Variants in TPD52L1 observed in about 807,000 individuals in gnomAD.
TPD52L1 encodes tumor protein D53.
A neutral mutation model predicts 28.7 loss-of-function variants in TPD52L1; 18 were observed. The ratio of observed to expected loss-of-function variants is 0.63; its 90% confidence interval spans 0.43 to 0.93. The LOEUF (loss-of-function observed/expected upper bound fraction) is 0.93, where lower values mean the gene tolerates loss of function less well. TPD52L1 is among the 40% of genes least tolerant of loss of function. The probability of loss-of-function intolerance (pLI) is 0.00; values close to 1 mark genes in which losing one functional copy is unlikely to be tolerated. For missense variants in TPD52L1, 203 were observed against 254.8 expected (o/e 0.80, Z 1.39); for synonymous variants, 75 against 88.8 (o/e 0.84, Z 0.88).
chr6:125,172,165 CTTT>C (rs1562211893), intron 1 of TPD52L1, among the ~76,000 whole-genome samples: 9 of 69,566 alleles, frequency 1.3e-4, no homozygotes, highest in Non-Finnish European at 1.8e-4. Context: ...TCTTTTCTTT[CTTT>C]CTTTCTTTCT....
intron 1 of TPD52L1, among the ~76,000 whole-genome samples, chr6:125,188,098 T>A (rs1792769407): frequency 6.6e-6 from 1 of 152,206 alleles, no homozygotes; most frequent in Non-Finnish European, 1.5e-5. Context: ...TATCCCATAG[T>A]TAGCCAAGCA....
chr6:125,248,239 G>C, intron 3 of TPD52L1, 43 bp from the exon 4 acceptor site: 1 of 1,458,810 alleles, frequency 6.9e-7, no homozygotes, highest in African/African-American at 1.4e-5. Context: ...TTGTTTATGG[G>C]AGATCATGAT....
intron 1 of TPD52L1, among the ~76,000 whole-genome samples, chr6:125,219,014 C>A (rs549099102): frequency 4.6e-5 from 7 of 152,338 alleles, no homozygotes; most frequent in South Asian, 4.1e-4. Context: ...ACTCCTACCC[C>A]CTAAAACCGG....
chr6:125,183,607 T>C (rs1210351205), intron 1 of TPD52L1, among the ~76,000 whole-genome samples: 1 of 152,216 alleles, frequency 6.6e-6, no homozygotes, highest in Non-Finnish European at 1.5e-5. Context: ...GTTCATATTC[T>C]CTTCATGACT....
At chr6:125,176,335 G>T (rs577659797) in intron 1 of TPD52L1, among the ~76,000 whole-genome samples, 2 of 152,102 alleles carry the variant, frequency 1.3e-5, no homozygotes, top group Non-Finnish European at 2.9e-5. Flanking sequence ...CTTGTAAAAG[G>T]CTGATTTCCT....
At chr6:125,198,070 C>A (rs190565753) in intron 1 of TPD52L1, among the ~76,000 whole-genome samples, 8 of 152,284 alleles carry the variant, frequency 5.3e-5, no homozygotes, top group Admixed American at 1.3e-4. Context: ...GGGCTTCAAG[C>A]CAAGACCAGG....
At chr6:125,172,159 TTCTTTC>T (rs1791426244) in intron 1 of TPD52L1, among the ~76,000 whole-genome samples, 1 of 53,080 alleles carries the variant, frequency 1.9e-5, no homozygotes, top group Non-Finnish European at 4.0e-5. Context: ...TTTCTTTCTT[TTCTTTC>T]TTTCTTTCTT....
intron 1 of TPD52L1, among the ~76,000 whole-genome samples, chr6:125,193,632 G>T (rs1027907807): frequency 2.0e-5 from 3 of 151,930 alleles, no homozygotes; most frequent in Non-Finnish European, 2.9e-5. Flanking sequence ...TTACAAATAT[G>T]AAAATATATA....
At chr6:125,155,642 A>T (rs1790068108) in intron 1 of TPD52L1, among the ~76,000 whole-genome samples, 1 of 152,158 alleles carries the variant, frequency 6.6e-6, no homozygotes, top group South Asian at 2.1e-4. Context: ...TTTGATAGCT[A>T]TTTGAAAAAT....
At chr6:125,158,222 G>A (rs1430735734) in intron 1 of TPD52L1, among the ~76,000 whole-genome samples, 2 of 151,944 alleles carry the variant, frequency 1.3e-5, no homozygotes, top group Admixed American at 6.6e-5. Flanking sequence ...ATATATTTAG[G>A]GGCCATCATT....
chr6:125,207,029 T>C (rs1359578235), intron 1 of TPD52L1, among the ~76,000 whole-genome samples: 1 of 152,218 alleles, frequency 6.6e-6, no homozygotes. Context: ...ATCACAGATA[T>C]TATGAAAAGA....
At chr6:125,205,782 T>G (rs956641441) in intron 1 of TPD52L1, among the ~76,000 whole-genome samples, 1 of 152,210 alleles carries the variant, frequency 6.6e-6, no homozygotes, top group Admixed American at 6.5e-5. Context: ...TGGTATATTT[T>G]TCCTGGCAGT....
At chr6:125,163,810 G>A (rs113564175) in intron 1 of TPD52L1, among the ~76,000 whole-genome samples, 12,275 of 150,760 alleles carry the variant, frequency 0.081, 539 homozygotes, top group Middle Eastern at 0.11. Context: ...CCAGCTACTT[G>A]GGAGGCTGAA....
chr6:125,177,613 A>C (rs1186767054), intron 1 of TPD52L1, among the ~76,000 whole-genome samples: 1 of 152,094 alleles, frequency 6.6e-6, no homozygotes, highest in East Asian at 1.9e-4. Flanking sequence ...TCAGCCCTTC[A>C]CCTTCTGCAG....
chr6:125,229,078 G>A (rs763183212), intron 2 of TPD52L1, 40 bp from the exon 3 acceptor site: 1 of 1,588,116 alleles, frequency 6.3e-7, no homozygotes. Flanking sequence ...TTTTTTGCTG[G>A]TCTGACATTT....
At chr6:125,229,936 A>T (rs1231258080) in intron 3 of TPD52L1, among the ~76,000 whole-genome samples, 3 of 151,978 alleles carry the variant, frequency 2.0e-5, no homozygotes, top group African/African-American at 7.3e-5. Flanking sequence ...AAATACAAAA[A>T]ATCAGCTGGG....
chr6:125,236,605 A>G (rs1207473418), intron 3 of TPD52L1, among the ~76,000 whole-genome samples: 2 of 152,216 alleles, frequency 1.3e-5, no homozygotes, highest in African/African-American at 4.8e-5. Context: ...AGAATTCTTG[A>G]AGAAATGTGG....
chr6:125,204,052 C>T (rs539031910), intron 1 of TPD52L1, among the ~76,000 whole-genome samples: 2 of 152,216 alleles, frequency 1.3e-5, no homozygotes, highest in African/African-American at 2.4e-5. Context: ...GTCAGGATGG[C>T]GGATAAGATT....
rs576853814 is a variant in TPD52L1, at chr6:125,174,093, T to G, written c.19+20123T>G. On this transcript the variant is annotated intron_variant, in intron 1 of 6. Coordinates refer to ENST00000534000, the MANE Select transcript of TPD52L1 (RefSeq NM_003287.4). ...GTGGAAATGGGGGGCCCTCGATGGA[T>G]CTTGTGATGATTGAGTGGCATGATG... 1.3e-4 allele frequency among the ~76,000 whole-genome samples: 20 copies of G among 152,310 alleles called. No homozygotes were observed. The South Asian group carries it at 2.3e-3, about 17-fold the overall frequency.
Sources: allele counts gnomAD v4.1 joint callset (sites outside exome capture counted in the v4.1 genomes callset), GRCh38; gene constraint gnomAD v4.1.1; transcripts MANE v1.5; gene names NCBI Gene and HGNC (gene_info 2026-07-23, HGNC 2026-07-21).